The following SGCZ variants were observed in gnomAD, a reference collection of about 807,000 sequenced individuals.
SGCZ encodes the protein zeta-sarcoglycan.
In SGCZ, 40 loss-of-function variants were observed where a neutral mutation model predicts 41.3. The observed-to-expected ratio is 0.97, with a 90% CI of 0.75 to 1.26. The LOEUF (loss-of-function observed/expected upper bound fraction) is 1.26. SGCZ is among the 50% of genes most tolerant of loss of function. The pLI, the probability that SGCZ is intolerant of heterozygous loss-of-function variation, is 0.00. For synonymous variants in SGCZ, 206 were observed against 137.5 expected (o/e 1.50, Z -3.49); for missense variants, 552 against 369.8 (o/e 1.49, Z -4.04).
chr8:14,365,132 G>A (rs1563281996), intron 2 of SGCZ, among the ~76,000 whole-genome samples: 1 of 151,902 alleles, frequency 6.6e-6, no homozygotes, highest in Non-Finnish European at 1.5e-5. Flanking sequence ...TTATTACAGT[G>A]ATATATGCTT....
At chr8:14,173,059 C>G (rs1335708721) in intron 4 of SGCZ, among the ~76,000 whole-genome samples, 3 of 152,042 alleles carry the variant, frequency 2.0e-5, no homozygotes, top group African/African-American at 2.4e-5. Context: ...AGAACTAAAA[C>G]TATTTAGACT....
At chr8:14,325,874 A>G (rs1370309519) in intron 2 of SGCZ, among the ~76,000 whole-genome samples, 2 of 147,328 alleles carry the variant, frequency 1.4e-5, no homozygotes, top group African/African-American at 4.9e-5. Context: ...GTACTTCGGA[A>G]CGTAGAGGCG....
intron 1 of SGCZ, among the ~76,000 whole-genome samples, chr8:14,564,212 C>A (rs546213222): frequency 6.6e-6 from 1 of 152,272 alleles, no homozygotes; most frequent in Admixed American, 6.5e-5. Context: ...TGTGACCATG[C>A]AAATTTAATC....
At chr8:14,511,573 A>T (rs1802469902) in intron 2 of SGCZ, among the ~76,000 whole-genome samples, 1 of 152,132 alleles carries the variant, frequency 6.6e-6, no homozygotes, top group East Asian at 1.9e-4. Flanking sequence ...AGATCTTATA[A>T]TTAAATATTA....
chr8:15,129,651 G>A (rs747756406), intron 1 of SGCZ, among the ~76,000 whole-genome samples: 7 of 138,050 alleles, frequency 5.1e-5, no homozygotes, highest in South Asian at 2.3e-4. Context: ...AAATAGAGGC[G>A]TGTAAGTGCA....
chr8:14,241,687 G>A (rs1375097473), intron 3 of SGCZ, among the ~76,000 whole-genome samples: 7 of 151,882 alleles, frequency 4.6e-5, no homozygotes, highest in South Asian at 2.1e-4. Flanking sequence ...GGACATATCC[G>A]CCTTCTTATG....
intron 1 of SGCZ, among the ~76,000 whole-genome samples, chr8:14,992,257 CTATT>C (rs1802040189): frequency 1.3e-5 from 2 of 150,590 alleles, no homozygotes; most frequent in Admixed American, 6.6e-5. Flanking sequence ...GTTACCCTTG[CTATT>C]TACCTCTCAC....
At chr8:14,905,167 A>G (rs1799086375) in intron 1 of SGCZ, among the ~76,000 whole-genome samples, 1 of 152,058 alleles carries the variant, frequency 6.6e-6, no homozygotes, top group African/African-American at 2.4e-5. Flanking sequence ...GACATCATAG[A>G]TGAAGTTAAT....
At chr8:14,219,139 T>A (rs1426362059) in intron 4 of SGCZ, among the ~76,000 whole-genome samples, 1 of 152,160 alleles carries the variant, frequency 6.6e-6, no homozygotes, top group Non-Finnish European at 1.5e-5. Flanking sequence ...GATTGTGATG[T>A]GCGAAGAAAA....
At chr8:14,242,569 T>C (rs977276335) in intron 3 of SGCZ, among the ~76,000 whole-genome samples, 1 of 152,190 alleles carries the variant, frequency 6.6e-6, no homozygotes, top group Admixed American at 6.5e-5. Flanking sequence ...TGAGACAACA[T>C]ATGCAAAATG....
intron 1 of SGCZ, among the ~76,000 whole-genome samples, chr8:14,954,312 T>A (rs1012390768): frequency 7.2e-5 from 11 of 152,182 alleles, no homozygotes; most frequent in African/African-American, 2.4e-4. Context: ...GATCAAAGAT[T>A]TGGAATTACA....
At chr8:14,713,587 C>T (rs193282071) in intron 1 of SGCZ, among the ~76,000 whole-genome samples, 2 of 150,434 alleles carry the variant, frequency 1.3e-5, no homozygotes, top group Non-Finnish European at 2.9e-5. Context: ...GTTGTGATTA[C>T]GAAGAACTGT....
intron 4 of SGCZ, among the ~76,000 whole-genome samples, chr8:14,180,024 A>G (rs758910316): frequency 3.9e-5 from 6 of 152,170 alleles, no homozygotes; most frequent in Non-Finnish European, 7.3e-5. Context: ...AAAGGGATAT[A>G]TTGCGATTTG....
At chr8:14,890,014 T>G (rs1041283249) in intron 1 of SGCZ, among the ~76,000 whole-genome samples, 3 of 151,940 alleles carry the variant, frequency 2.0e-5, no homozygotes, top group Non-Finnish European at 2.9e-5. Context: ...GTCAGGAGTT[T>G]GAGACCAGCC....
chr8:14,842,978 C>T (rs1220009864), intron 1 of SGCZ, among the ~76,000 whole-genome samples: 15 of 152,168 alleles, frequency 9.9e-5, no homozygotes, highest in Admixed American at 9.8e-4. Context: ...TCTGGGAGGC[C>T]AAGGCGAGCG....
intron 1 of SGCZ, among the ~76,000 whole-genome samples, chr8:14,618,889 A>G (rs1289112996): frequency 6.6e-6 from 1 of 152,164 alleles, no homozygotes; most frequent in East Asian, 1.9e-4. Context: ...TAAGCAAATT[A>G]ACAAGAAAGT....
At chr8:14,510,772 A>G (rs921365772) in intron 2 of SGCZ, among the ~76,000 whole-genome samples, 5 of 152,146 alleles carry the variant, frequency 3.3e-5, no homozygotes, top group African/African-American at 1.2e-4. Flanking sequence ...GCAGTTGTGA[A>G]TCGCATTTTG....
At chr8:14,760,552 C>A (rs370717421) in intron 1 of SGCZ, among the ~76,000 whole-genome samples, 1 of 152,046 alleles carries the variant, frequency 6.6e-6, no homozygotes, top group Non-Finnish European at 1.5e-5. Context: ...ATGTAAAATA[C>A]GGCATGTAAC....
chr8:14,514,702 TAC>T (rs1451952162), intron 2 of SGCZ, among the ~76,000 whole-genome samples: 3 of 149,098 alleles, frequency 2.0e-5, no homozygotes, highest in African/African-American at 4.9e-5. Flanking sequence ...TACATATATG[TAC>T]ACACATTTAC....
Sources: gnomAD v4.1 joint callset for allele counts (sites outside exome capture counted in the v4.1 genomes callset) on GRCh38, gnomAD v4.1.1 for gene constraint, MANE v1.5 for transcripts, NCBI Gene and HGNC (gene_info 2026-07-23, HGNC 2026-07-21) for gene names.